The following ST7 variants were observed in gnomAD, a reference collection of about 807,000 sequenced individuals.
The protein encoded by ST7 is suppressor of tumorigenicity 7 protein.
Under a neutral mutation model 78.7 loss-of-function variants are expected in ST7, and 28 were observed. That is an observed-to-expected ratio of 0.36 (90% CI 0.26 to 0.49). ST7 has a LOEUF of 0.49. Ranked by LOEUF, ST7 falls within the 20% of genes least tolerant of loss-of-function variation. ST7 has a pLI of 0.99. For synonymous variants in ST7, 247 were observed against 249.6 expected, an observed-to-expected ratio of 0.99 and a Z score of 0.10; for missense variants, 418 against 696.0, an observed-to-expected ratio of 0.60 and a Z score of 4.49.
chr7:117,020,521 T>TGAG (rs1795838198), intron 1 of ST7: 2 of 1,501,292 alleles, frequency 1.3e-6, no homozygotes, highest in Non-Finnish European at 1.8e-6. Context: ...CTCTTCACTC[T>TGAG]CACATGTACA....
At chr7:117,201,746 C>G (rs1038917252) in intron 12 of ST7, among the ~76,000 whole-genome samples, 5 of 152,070 alleles carry the variant, frequency 3.3e-5, no homozygotes, top group Non-Finnish European at 7.4e-5. Flanking sequence ...ATTTGCCTGC[C>G]TTGGCCTCCC....
At chr7:117,116,107 C>T (rs1038987227) in intron 2 of ST7, among the ~76,000 whole-genome samples, 1 of 152,222 alleles carries the variant, frequency 6.6e-6, no homozygotes, top group Non-Finnish European at 1.5e-5. Context: ...TTCCTGTTGA[C>T]TTCCTAAATC....
intron 2 of ST7, among the ~76,000 whole-genome samples, chr7:117,105,764 A>T (rs1004618070): frequency 2.0e-5 from 3 of 152,250 alleles, no homozygotes; most frequent in Non-Finnish European, 2.9e-5. Flanking sequence ...TAGATATTCC[A>T]GTGACCCTGA....
chr7:117,061,629 AG>A lies in ST7; in HGVS notation c.152-38130del, dbSNP rs1798358642. On this transcript the variant is annotated intron_variant, in intron 1 of 15. Transcript: ENST00000323984. The stretch of plus-strand genomic sequence containing the variant: ...TGAATTTTATATCTGTAAAGGCACA[AG>A]GGAAGAATATAAATTGAATTAGTAA... 7.2e-5 allele frequency among the ~76,000 whole-genome samples: 11 copies of A among 152,302 alleles called. No homozygotes were observed. In the South Asian group the frequency reaches 2.3e-3, roughly 32 times the overall value.
intron 12 of ST7, among the ~76,000 whole-genome samples, chr7:117,207,445 C>T (rs972104113): frequency 6.6e-6 from 1 of 152,102 alleles, no homozygotes; most frequent in Admixed American, 6.5e-5. Context: ...CCCAGCCCTG[C>T]TAGTTTATTT....
intron 3 of ST7, among the ~76,000 whole-genome samples, chr7:117,128,813 G>A (rs1804090659): frequency 6.6e-6 from 1 of 151,808 alleles, no homozygotes; most frequent in South Asian, 2.1e-4. Flanking sequence ...TCACCACGTG[G>A]CCTTCAATGT....
At chr7:117,009,818 CA>C (rs1447459647) in intron 1 of ST7, among the ~76,000 whole-genome samples, 3 of 151,924 alleles carry the variant, frequency 2.0e-5, no homozygotes, top group Non-Finnish European at 2.9e-5. Flanking sequence ...CTCCTTTTTC[CA>C]GCTGTGGTTA....
At chr7:117,001,951 C>G (rs574436621) in intron 1 of ST7, among the ~76,000 whole-genome samples, 7 of 152,110 alleles carry the variant, frequency 4.6e-5, no homozygotes, top group African/African-American at 1.7e-4. Context: ...ATTGGCCAGG[C>G]GTGGTGGCTC....
intron 9 of ST7, among the ~76,000 whole-genome samples, chr7:117,139,532 A>G (rs1214590610): frequency 1.3e-5 from 2 of 152,110 alleles, no homozygotes; most frequent in African/African-American, 2.4e-5. Flanking sequence ...GGGAGCACCA[A>G]CACTCAACGC....
intron 2 of ST7, among the ~76,000 whole-genome samples, chr7:117,105,427 C>T (rs59865462): frequency 0.024 from 3,717 of 152,164 alleles, 156 homozygotes; most frequent in African/African-American, 0.085. Context: ...ACCACAGGTG[C>T]GTGCCATCAT....
chr7:116,965,730 A>AGAAT (rs1177467508), intron 1 of ST7: 2 of 152,686 alleles, frequency 1.3e-5, no homozygotes, highest in African/African-American at 2.4e-5. Context: ...TTTAACCAAG[A>AGAAT]GAATAAATGT....
At chr7:117,100,561 A>G (rs1563081535) in intron 2 of ST7, among the ~76,000 whole-genome samples, 1 of 152,140 alleles carries the variant, frequency 6.6e-6, no homozygotes, top group Non-Finnish European at 1.5e-5. Flanking sequence ...TTTTAAATGT[A>G]TTGACATGGA....
At chr7:116,974,798 A>G (rs577521532) in intron 1 of ST7, among the ~76,000 whole-genome samples, 1 of 152,288 alleles carries the variant, frequency 6.6e-6, no homozygotes, top group African/African-American at 2.4e-5. Context: ...CATTTTTAAT[A>G]TAATTATATT....
At chr7:117,120,006 G>A (rs556140153) in intron 3 of ST7, among the ~76,000 whole-genome samples, 2 of 151,784 alleles carry the variant, frequency 1.3e-5, no homozygotes, top group South Asian at 2.1e-4. Context: ...TTGGCTCACT[G>A]CAGTCTTCAC....
intron 3 of ST7, among the ~76,000 whole-genome samples, chr7:117,120,461 T>C (rs1803276970): frequency 6.6e-6 from 1 of 152,256 alleles, no homozygotes; most frequent in Non-Finnish European, 1.5e-5. Context: ...TCCAGATTCC[T>C]TAGCACAGCA....
intron 1 of ST7, among the ~76,000 whole-genome samples, chr7:117,065,645 G>T (rs1217975685): frequency 1.3e-5 from 2 of 152,308 alleles, no homozygotes; most frequent in Admixed American, 6.5e-5. Context: ...TGTCAAGGTT[G>T]TTAGAATCTC....
chr7:117,082,768 C>A (rs1177315259), intron 1 of ST7, among the ~76,000 whole-genome samples: 2 of 152,188 alleles, frequency 1.3e-5, no homozygotes, highest in African/African-American at 4.8e-5. Flanking sequence ...CAGTTTGTTA[C>A]ACTATTTAAC....
chr7:117,094,686 C>T (rs1413711954), intron 1 of ST7, among the ~76,000 whole-genome samples: 2 of 152,144 alleles, frequency 1.3e-5, no homozygotes, highest in Non-Finnish European at 2.9e-5. Context: ...TCTGCAAGAA[C>T]GTGGGACTCT....
At chr7:117,148,279 T>A (rs902841886) in intron 9 of ST7, among the ~76,000 whole-genome samples, 3 of 152,180 alleles carry the variant, frequency 2.0e-5, no homozygotes, top group Non-Finnish European at 4.4e-5. Context: ...TCTCTTATAT[T>A]TATCTTCCTT....
Sources: allele counts gnomAD v4.1 joint callset (sites outside exome capture counted in the v4.1 genomes callset), GRCh38; gene constraint gnomAD v4.1.1; transcripts MANE v1.5; gene names NCBI Gene and HGNC (gene_info 2026-07-23, HGNC 2026-07-21).